The following UNC5D variants were observed in gnomAD, a reference collection of about 807,000 sequenced individuals.
UNC5D encodes unc-5 netrin receptor D, also known as netrin receptor UNC5D.
UNC5D carries 39 observed loss-of-function variants against 105.4 expected under a neutral mutation model. The ratio of observed to expected loss-of-function variants is 0.37; its 90% CI spans 0.29 to 0.48. UNC5D has a LOEUF of 0.48. Ranked by LOEUF, UNC5D falls within the 20% of genes least tolerant of loss-of-function variation. The pLI is 0.98. For synonymous variants in UNC5D, 452 were observed against 450.4 expected, an observed-to-expected ratio of 1.00 and a Z score of -0.04; for missense variants, 991 against 1,202.4, an observed-to-expected ratio of 0.82 and a Z score of 2.60.
At chr8:35,293,934 C>A (rs1456856340) in intron 1 of UNC5D, among the ~76,000 whole-genome samples, 1 of 152,056 alleles carries the variant, frequency 6.6e-6, no homozygotes, top group East Asian at 1.9e-4. Context: ...TACTTAGATA[C>A]CTTTGTGTTG....
intron 15 of UNC5D, among the ~76,000 whole-genome samples, chr8:35,774,087 G>T (rs1019395426): frequency 1.3e-5 from 2 of 152,162 alleles, no homozygotes; most frequent in Non-Finnish European, 2.9e-5. Context: ...AGAGGCTGTT[G>T]TAAATTTCCA....
chr8:35,684,354 C>A (rs1461967825), intron 5 of UNC5D, among the ~76,000 whole-genome samples: 1 of 152,116 alleles, frequency 6.6e-6, no homozygotes, highest in Non-Finnish European at 1.5e-5. Context: ...CTTATAATTT[C>A]CTTGCAAGGC....
intron 10 of UNC5D, among the ~76,000 whole-genome samples, chr8:35,730,277 C>A (rs1464369799): frequency 6.6e-6 from 1 of 152,166 alleles, no homozygotes; most frequent in Non-Finnish European, 1.5e-5. Context: ...ATTTAAGATG[C>A]AGTGAGATGT....
intron 1 of UNC5D, among the ~76,000 whole-genome samples, chr8:35,377,161 GTGCTATATGGATGA>G (rs1445911283): frequency 1.3e-5 from 2 of 152,120 alleles, no homozygotes; most frequent in African/African-American, 4.8e-5. Context: ...TACTCTTTGC[GTGCTATATGGATGA>G]TGGCAGACCT....
chr8:35,247,104 C>T (rs1585402819), intron 1 of UNC5D, among the ~76,000 whole-genome samples: 1 of 152,092 alleles, frequency 6.6e-6, no homozygotes, highest in African/African-American at 2.4e-5. Context: ...TTGTCCTTGC[C>T]TCTTCCCTTT....
intron 3 of UNC5D, among the ~76,000 whole-genome samples, chr8:35,572,070 C>T (rs942126594): frequency 5.4e-4 from 82 of 152,020 alleles, no homozygotes; most frequent in African/African-American, 1.7e-3. Context: ...GTGGAATGCT[C>T]GAGCCTAGGA....
rs371319756 is a variant in UNC5D at position 35,791,879 on chromosome 8, C to T, written c.*1316C>T. 5 of 152,162 alleles carry T rather than the reference C, an allele frequency of 3.3e-5. No homozygotes were observed. Among genetic ancestry groups the T allele is most frequent in the African/African-American group, 1.2e-4 (5 of 41,506 alleles). 9.4% of individuals were successfully genotyped at this position (152,162 alleles called of 1,614,324 possible). ...TGATATTGTGGAAGATTGAAATCCA[C>T]AGATAATTCATGACCCTCATCTTAT... is the stretch of plus-strand genomic sequence containing the variant. On this transcript the variant is annotated 3_prime_UTR_variant, in exon 17 of 17. Coordinates refer to ENST00000404895, the MANE Select transcript of UNC5D (RefSeq NM_080872.4).
At chr8:35,613,870 G>T (rs1291305007) in intron 4 of UNC5D, among the ~76,000 whole-genome samples, 1 of 152,036 alleles carries the variant, frequency 6.6e-6, no homozygotes, top group Non-Finnish European at 1.5e-5. Flanking sequence ...CAAAAACCCT[G>T]CACATTTTGG....
In UNC5D at chr8:35,549,406, T is replaced by C; in HGVS notation, c.218T>C (p.Leu73Pro). ...AYIIKSNPIA[L>P]RCKARPAMQI... ...ATTATCAAGAGCAACCCTATTGCAC[T>C]CAGGTGCAAAGCGAGGCCAGCCATG... The change falls in exon 2 of 17, where the codon CTC becomes CCC. Residue 73 changes from leucine (L) to proline (P), a missense_variant. Transcript: ENST00000404895. The C allele has an allele frequency of 1.2e-6, 2 of 1,613,396 alleles. No homozygotes were observed. Among genetic ancestry groups the C allele is most frequent in the Non-Finnish European group, 1.7e-6 (2 of 1,179,994 alleles).
chr8:35,696,150 T>C (rs1026405241), intron 7 of UNC5D, among the ~76,000 whole-genome samples: 11 of 152,200 alleles, frequency 7.2e-5, no homozygotes, highest in African/African-American at 2.4e-4. Context: ...TAGCAATTTA[T>C]AGATTCCGGG....
At chr8:35,462,257 A>G (rs908448025) in intron 1 of UNC5D, among the ~76,000 whole-genome samples, 2 of 152,088 alleles carry the variant, frequency 1.3e-5, no homozygotes, top group Non-Finnish European at 2.9e-5. Context: ...AAATTGCTCA[A>G]ATATTTTAAA....
At chr8:35,363,531 T>G (rs992896894) in intron 1 of UNC5D, among the ~76,000 whole-genome samples, 2 of 152,146 alleles carry the variant, frequency 1.3e-5, no homozygotes, top group Non-Finnish European at 2.9e-5. Flanking sequence ...ATCTCTGGTA[T>G]TTCTTCAGGG....
chr8:35,482,510 A>G (rs1284119823), intron 1 of UNC5D, among the ~76,000 whole-genome samples: 1 of 152,178 alleles, frequency 6.6e-6, no homozygotes, highest in Non-Finnish European at 1.5e-5. Flanking sequence ...CACACTTTCT[A>G]GTCACTTTGC....
intron 1 of UNC5D, among the ~76,000 whole-genome samples, chr8:35,489,228 G>T (rs1247668854): frequency 1.3e-5 from 2 of 151,924 alleles, no homozygotes; most frequent in Non-Finnish European, 2.9e-5. Flanking sequence ...GGCTGGTCTT[G>T]AACCCCTGAC....
intron 11 of UNC5D, among the ~76,000 whole-genome samples, chr8:35,739,846 A>G (rs928785567): frequency 6.6e-6 from 1 of 152,222 alleles, no homozygotes; most frequent in Non-Finnish European, 1.5e-5. Context: ...ACCAGCCCAC[A>G]CAGAGACAGC....
chr8:35,346,093 C>T (rs1182892522), intron 1 of UNC5D, among the ~76,000 whole-genome samples: 1 of 152,012 alleles, frequency 6.6e-6, no homozygotes, highest in Non-Finnish European at 1.5e-5. Context: ...TGTTTCCAGT[C>T]TGTATATTCC....
chr8:35,685,720 G>A (rs1423716575), intron 6 of UNC5D, among the ~76,000 whole-genome samples: 1 of 152,200 alleles, frequency 6.6e-6, no homozygotes, highest in African/African-American at 2.4e-5. Flanking sequence ...ACATGGTAAA[G>A]TGAGGCTAAG....
chr8:35,761,226 T>G (rs1428545955), intron 14 of UNC5D, among the ~76,000 whole-genome samples: 1 of 152,234 alleles, frequency 6.6e-6, no homozygotes, highest in African/African-American at 2.4e-5. Context: ...CTGATAGTCA[T>G]GCAAATTCCT....
intron 4 of UNC5D, among the ~76,000 whole-genome samples, chr8:35,613,064 C>T (rs1044968547): frequency 2.6e-5 from 4 of 152,058 alleles, no homozygotes; most frequent in African/African-American, 7.2e-5. Context: ...ACCTCACCCA[C>T]GTCTCATGGT....
Sources: allele counts gnomAD v4.1 joint callset (sites outside exome capture counted in the v4.1 genomes callset), GRCh38; gene constraint gnomAD v4.1.1; transcripts MANE v1.5; gene names NCBI Gene and HGNC (gene_info 2026-07-23, HGNC 2026-07-21).